HMCN2: variants seen among roughly 807,000 people sequenced by gnomAD.
HMCN2 encodes the protein hemicentin 2.
A neutral mutation model predicts 377.5 loss-of-function variants in HMCN2; 325 were observed. The ratio of observed to expected loss-of-function variants is 0.86; its 90% CI spans 0.79 to 0.94. HMCN2 has a LOEUF of 0.94. Ranked by LOEUF, HMCN2 falls within the 40% of genes least tolerant of loss-of-function variation. HMCN2 has a pLI of 0.00. For missense variants in HMCN2, 4,543 were observed against 4,725.3 expected (o/e 0.96, Z 1.13); for synonymous variants, 2,007 against 2,046.8 (o/e 0.98, Z 0.53).
intron 22 of HMCN2, among the ~76,000 whole-genome samples, chr9:130,330,764 A>T (rs1252446522): frequency 6.6e-6 from 1 of 152,108 alleles, no homozygotes; most frequent in African/African-American, 2.4e-5. Flanking sequence ...TTCCGTCCTC[A>T]TCACGGATTC....
intron 85 of HMCN2, 131 bp from the exon 86 acceptor site, chr9:130,418,641 A>C: frequency 1.5e-6 from 1 of 672,008 alleles, no homozygotes; most frequent in Non-Finnish European, 2.2e-6. Flanking sequence ...GACTGGGTGG[A>C]AGGATCCTAT....
intron 77 of HMCN2, among the ~76,000 whole-genome samples, chr9:130,401,233 C>A (rs1842844775): frequency 6.6e-6 from 1 of 152,132 alleles, no homozygotes. Context: ...TTTTTGTAAA[C>A]CTGGTTTAAT....
At chr9:130,390,162 G>T (rs1441119424) in intron 62 of HMCN2, among the ~76,000 whole-genome samples, 1 of 152,184 alleles carries the variant, frequency 6.6e-6, no homozygotes, top group African/African-American at 2.4e-5. Context: ...ACCCACCCAG[G>T]CTCCCGTGGT....
chr9:130,286,352 G>A (rs781809473), intron 4 of HMCN2, 42 bp downstream of exon 4: 15 of 468,162 alleles, frequency 3.2e-5, no homozygotes, highest in Non-Finnish European at 5.3e-5. Flanking sequence ...CCCATCACTC[G>A]GGCACGGTGA....
intron 50 of HMCN2, 40 bp downstream of exon 50, chr9:130,375,776 A>T (rs761362199): frequency 1.0e-6 from 1 of 984,340 alleles, no homozygotes; most frequent in Non-Finnish European, 1.2e-6. Context: ...GGAACAGGTG[A>T]CATGTCATCA....
At chr9:130,416,704 C>T (rs574430338) in intron 85 of HMCN2, among the ~76,000 whole-genome samples, 5 of 152,252 alleles carry the variant, frequency 3.3e-5, no homozygotes, top group African/African-American at 4.8e-5. Context: ...CGCTAGGTCT[C>T]ACAGTACACA....
chr9:130,429,255 T>G (rs1341846072), intron 93 of HMCN2: 1 of 413,246 alleles, frequency 2.4e-6, no homozygotes, highest in African/African-American at 2.0e-5. Context: ...ATGAGGAAAC[T>G]GAGGCTCAGA....
At chr9:130,270,623 T>G (rs1212820074) in intron 1 of HMCN2, among the ~76,000 whole-genome samples, 1 of 148,868 alleles carries the variant, frequency 6.7e-6, no homozygotes, top group African/African-American at 2.4e-5. Context: ...AAGTGTGGAC[T>G]TGGGTTAATA....
In HMCN2 at chr9:130,428,250, T is replaced by A; in HGVS notation, c.14066-108T>A. 2.2e-6 allele frequency: 3 copies of A among 1,334,158 alleles called. No individual in the cohort carries two copies. The highest frequency in any genetic ancestry group is 3.0e-6 in the Non-Finnish European group (3 of 1,006,892). 82.6% of individuals were successfully genotyped at this position (1,334,158 alleles called of 1,614,324 possible). A position where few individuals can be genotyped will look rare whatever the true frequency, so the allele number is the denominator to read the frequency against. ...GGGTGGGGACCTTCCTGCCAGTGGC[T>A]CCTGGGCCTGCGGACGAAGCCTCTG... is the stretch of plus-strand genomic sequence containing the variant. On this transcript the variant is annotated intron_variant, in intron 92 of 97. Coordinates refer to ENST00000683500, the MANE Select transcript of HMCN2 (RefSeq NM_001291815.2). The surrounding 1 kb of genome is among the most constrained non-coding windows in gnomAD (Gnocchi z 5.0).
In HMCN2 at chr9:130,423,030, C is replaced by T. The variant is rs879245340; in HGVS notation, c.13381+304C>T. Among the ~76,000 whole-genome samples the T allele has an allele frequency of 3.3e-5, 5 of 152,164 alleles. No homozygotes were observed. The highest frequency in any genetic ancestry group is 1.2e-4 in the African/African-American group (5 of 41,432). On this transcript the variant is annotated intron_variant, in intron 87 of 97. Transcript: ENST00000683500. The surrounding 1 kb of genome is among the most constrained non-coding windows in gnomAD (Gnocchi z 5.5). ...TGCGGGCGCTCAGATTGTGGTTTCCCAAGCCACCGATGGCTCCCTGAGGCT... is the reference window on the plus strand; with the variant it reads ...TGCGGGCGCTCAGATTGTGGTTTCCTAAGCCACCGATGGCTCCCTGAGGCT...
chr9:130,321,661 C>A (rs1244686023), intron 18 of HMCN2, 126 bp from the exon 19 acceptor site: 2 of 152,264 alleles, frequency 1.3e-5, no homozygotes, highest in Non-Finnish European at 2.9e-5. Context: ...CTTCTCTGAG[C>A]CCCCGGGCTC....
chr9:130,297,333 C>T (rs1393389328), intron 7 of HMCN2, among the ~76,000 whole-genome samples: 1 of 152,176 alleles, frequency 6.6e-6, no homozygotes, highest in East Asian at 1.9e-4. Context: ...GGTGGAGGCA[C>T]AGGCATCCAA....
intron 55 of HMCN2, among the ~76,000 whole-genome samples, 170 bp from the exon 56 acceptor site, chr9:130,382,509 C>A (rs1841783714): frequency 6.6e-6 from 1 of 152,166 alleles, no homozygotes; most frequent in Non-Finnish European, 1.5e-5. Flanking sequence ...AAATCACAAC[C>A]CTTTCTGTGC....
At position 130,271,578 on chromosome 9, in the gene HMCN2, G is replaced by A. The variant is rs1834407450; in HGVS notation, c.259+5441G>A. 1.3e-5 allele frequency among the ~76,000 whole-genome samples: 2 copies of A among 148,990 alleles called. 1 individual carries two copies. The highest frequency in any genetic ancestry group is 3.0e-5 in the Non-Finnish European group (2 of 66,352). Reference sequence around the variant, plus strand: ...CTTGGACACCCCTCTTGTTGTGCACGTGTGTTTTTTGTTTTTGTTTTTGTT... The same window carrying A: ...CTTGGACACCCCTCTTGTTGTGCACATGTGTTTTTTGTTTTTGTTTTTGTT... On this transcript the variant is annotated intron_variant, in intron 1 of 97. Coordinates refer to ENST00000683500, the MANE Select transcript of HMCN2 (RefSeq NM_001291815.2).
At position 130,372,306 on chromosome 9, in the gene HMCN2, T is replaced by A. The variant is rs973576156; in HGVS notation, c.7250T>A (p.Leu2417Gln). ...DTYLLAGGWM[L>Q]KMTQTQEQDS... ...CCTCCCTCCCCAGGTGGCTGGATGC[T>A]GAAGATGACTCAGACACAGGAGCAA... Residue 2417 changes from leucine (L) to glutamine (Q), a missense_variant, in exon 47 of 98, where the codon CTG becomes CAG. Leu to Gln is a moderately radical substitution (Grantham distance 113). Transcript: ENST00000683500. 1 of 985,664 alleles carries A rather than the reference T, an allele frequency of 1.0e-6. No homozygotes were observed. Among genetic ancestry groups the A allele is most frequent in the Admixed American group, 6.1e-5 (1 of 16,274 alleles). 61.1% of individuals were successfully genotyped at this position (985,664 alleles called of 1,614,324 possible).
At chr9:130,353,535 C>T (rs1256262126) in intron 31 of HMCN2, among the ~76,000 whole-genome samples, 1 of 152,178 alleles carries the variant, frequency 6.6e-6, no homozygotes, top group East Asian at 1.9e-4. Context: ...AATTAACTGC[C>T]CTCAGCTCAT....
intron 39 of HMCN2, among the ~76,000 whole-genome samples, chr9:130,362,488 G>T (rs1345824265): frequency 6.6e-6 from 1 of 152,200 alleles, no homozygotes; most frequent in Non-Finnish European, 1.5e-5. Context: ...TTCATCATGG[G>T]ATCAATACAA....
intron 16 of HMCN2, among the ~76,000 whole-genome samples, 195 bp downstream of exon 16, chr9:130,319,890 C>T (rs1457374625): frequency 6.6e-6 from 1 of 152,066 alleles, no homozygotes; most frequent in African/African-American, 2.4e-5. Flanking sequence ...TTCATAATCA[C>T]GACCATGAAA....
chr9:130,285,616 C>T lies in HMCN2; in HGVS notation c.489+300C>T, dbSNP rs554327912. Among the ~76,000 whole-genome samples the T allele has an allele frequency of 5.3e-5, 8 of 152,368 alleles. No individual in the cohort carries two copies. The East Asian group carries it at 7.7e-4, about 15-fold the overall frequency. On this transcript the variant is annotated intron_variant, in intron 3 of 97. Coordinates refer to ENST00000683500, the MANE Select transcript of HMCN2 (RefSeq NM_001291815.2). ...CACCCCCATCAAAGTCCAGGCAACC[C>T]GTCTTCCTCCTGGCATCGCCTCTGC... is the stretch of plus-strand genomic sequence containing the variant.
Sources: allele counts gnomAD v4.1 joint callset (sites outside exome capture counted in the v4.1 genomes callset), GRCh38; gene constraint gnomAD v4.1.1; non-coding constraint Gnocchi (gnomAD v3.1); transcripts MANE v1.5; gene names NCBI Gene and HGNC (gene_info 2026-07-23, HGNC 2026-07-21).